The following CYTH3 variants were observed in gnomAD, a reference collection of about 807,000 sequenced individuals.
The protein encoded by CYTH3 is cytohesin-3.
A neutral mutation model predicts 55.1 loss-of-function variants in CYTH3; 23 were observed. The ratio of observed to expected loss-of-function variants is 0.42; its 90% confidence interval spans 0.30 to 0.59. CYTH3 has a LOEUF of 0.59. CYTH3 is among the 20% of genes least tolerant of loss of function. CYTH3 has a pLI of 0.20. For missense variants in CYTH3, 413 were observed against 524.8 expected, an observed-to-expected ratio of 0.79 and a Z score of 2.08; for synonymous variants, 249 against 194.9, an observed-to-expected ratio of 1.28 and a Z score of -2.31.
intron 1 of CYTH3, among the ~76,000 whole-genome samples, chr7:6,215,244 A>G (rs977277988): frequency 1.3e-5 from 2 of 152,236 alleles, no homozygotes; most frequent in South Asian, 4.1e-4. Flanking sequence ...AAGATGCTCC[A>G]CGGTTCAGGG....
Position 6,164,909 on chromosome 7 carries a change from TTGGGTCTTTTACC to T in CYTH3, c.*22_*34del, listed in dbSNP as rs771834274. The T allele has an allele frequency of 6.8e-6, 11 of 1,613,246 alleles. No homozygotes were observed. The highest frequency in any genetic ancestry group is 4.5e-5 in the East Asian group (2 of 44,886). On this transcript the variant is annotated 3_prime_UTR_variant, in exon 13 of 13. Transcript: ENST00000350796. ...CGCCCGCGGTGTCTTTCTGCTGGGGTTGGGTCTTTTACCTGGGTCTTTTAGCCAGGAAAGCTAT... is the reference window on the plus strand; with the variant it reads ...CGCCCGCGGTGTCTTTCTGCTGGGGTTGGGTCTTTTAGCCAGGAAAGCTAT...
At chr7:6,231,229 A>G (rs1779385122) in intron 1 of CYTH3, among the ~76,000 whole-genome samples, 1 of 152,218 alleles carries the variant, frequency 6.6e-6, no homozygotes. Context: ...AGCACTTAAC[A>G]CTCAAATGTA....
intron 1 of CYTH3, among the ~76,000 whole-genome samples, chr7:6,240,531 G>A (rs1779647266): frequency 6.6e-6 from 1 of 152,120 alleles, no homozygotes; most frequent in Non-Finnish European, 1.5e-5. Flanking sequence ...GAACAGAATA[G>A]TAAATCCAGA....
chr7:6,172,812 T>C (rs1367661507), intron 6 of CYTH3: 3 of 1,282,592 alleles, frequency 2.3e-6, no homozygotes, highest in Middle Eastern at 2.2e-4. Flanking sequence ...GATTCTTATA[T>C]GTTGCGAACT....
chr7:6,224,975 T>C (rs974864665), intron 1 of CYTH3, among the ~76,000 whole-genome samples: 2 of 152,212 alleles, frequency 1.3e-5, no homozygotes, highest in African/African-American at 4.8e-5. Flanking sequence ...ATTCTATTTA[T>C]GTTAAATATC....
chr7:6,185,873 A>G (rs77752632), intron 4 of CYTH3, among the ~76,000 whole-genome samples: 2,983 of 152,136 alleles, frequency 0.02, 46 homozygotes, highest in Middle Eastern at 0.061. Flanking sequence ...CTGCAATCAG[A>G]TATTTATCGA....
intron 1 of CYTH3, among the ~76,000 whole-genome samples, chr7:6,262,313 T>C (rs1477961374): frequency 6.6e-6 from 1 of 152,048 alleles, no homozygotes; most frequent in Admixed American, 6.6e-5. Context: ...ATTCTGTAAA[T>C]CTAATTTAAG....
At chr7:6,256,385 C>G (rs1176244850) in intron 1 of CYTH3, among the ~76,000 whole-genome samples, 4 of 152,240 alleles carry the variant, frequency 2.6e-5, no homozygotes, top group African/African-American at 9.6e-5. Flanking sequence ...TAGTGGACTT[C>G]TCTCTGAAGA....
intron 4 of CYTH3, among the ~76,000 whole-genome samples, chr7:6,181,388 A>T (rs1783498895): frequency 1.3e-5 from 2 of 152,206 alleles, no homozygotes; most frequent in Admixed American, 1.3e-4. Context: ...CTTGTGAGTG[A>T]CAGGACAGAC....
Position 6,170,494 on chromosome 7 carries a change from C to G in CYTH3, c.823+41G>C. 1 of 1,584,284 alleles carries G rather than the reference C, an allele frequency of 6.3e-7. No homozygotes were observed. The highest frequency in any genetic ancestry group is 8.6e-7 in the Non-Finnish European group (1 of 1,156,422). ...GAACCCGAGGGGCTGCTGCCATGGGCAGAGGGGTCACGCCCGGGTCCCGCT... is the reference window on the plus strand; with the variant it reads ...GAACCCGAGGGGCTGCTGCCATGGGGAGAGGGGTCACGCCCGGGTCCCGCT... On this transcript the variant is annotated intron_variant, in intron 9 of 12. Transcript: ENST00000350796. This position sits in a 1 kb window ranked among gnomAD's most constrained non-coding sequence, Gnocchi z 7.8.
chr7:6,236,513 A>C (rs545027762), intron 1 of CYTH3, among the ~76,000 whole-genome samples: 2 of 147,304 alleles, frequency 1.4e-5, no homozygotes, highest in Non-Finnish European at 3.0e-5. Flanking sequence ...CCTGGCCTGC[A>C]AATAACTATT....
intron 1 of CYTH3, among the ~76,000 whole-genome samples, chr7:6,243,239 G>C (rs1168668121): frequency 6.6e-6 from 1 of 152,226 alleles, no homozygotes; most frequent in Non-Finnish European, 1.5e-5. Flanking sequence ...TTGGTAAGAT[G>C]AGAAGAGCCC....
chr7:6,221,216 T>C (rs1784543610), intron 1 of CYTH3, among the ~76,000 whole-genome samples: 1 of 152,316 alleles, frequency 6.6e-6, no homozygotes, highest in Admixed American at 6.5e-5. Flanking sequence ...TGGAATATTA[T>C]CTAGCAATAA....
intron 1 of CYTH3, among the ~76,000 whole-genome samples, chr7:6,242,066 C>A (rs962947152): frequency 2.6e-5 from 4 of 151,896 alleles, no homozygotes; most frequent in Non-Finnish European, 5.9e-5. Context: ...GGGAACAGGG[C>A]AGAGGGGTTT....
At chr7:6,255,482 A>G (rs1780073677) in intron 1 of CYTH3, among the ~76,000 whole-genome samples, 1 of 152,194 alleles carries the variant, frequency 6.6e-6, no homozygotes, top group African/African-American at 2.4e-5. Context: ...AAGACTATTT[A>G]GGAAGGAATG....
intron 1 of CYTH3, among the ~76,000 whole-genome samples, chr7:6,259,830 A>T (rs866657181): frequency 0.038 from 778 of 20,254 alleles, 36 homozygotes; most frequent in Admixed American, 0.06. Context: ...ATATATATAT[A>T]TATTTTTTTT....
At chr7:6,199,891 A>G (rs566483831) in intron 1 of CYTH3, among the ~76,000 whole-genome samples, 2 of 152,360 alleles carry the variant, frequency 1.3e-5, no homozygotes, top group Admixed American at 1.3e-4. Flanking sequence ...CTTATCCCAC[A>G]TGTGAAATGG....
chr7:6,239,230 A>G (rs757778699), intron 1 of CYTH3, among the ~76,000 whole-genome samples: 1 of 152,132 alleles, frequency 6.6e-6, no homozygotes, highest in Non-Finnish European at 1.5e-5. Flanking sequence ...GACAACCTTT[A>G]TATTTGTTGA....
chr7:6,165,724 C>CCTTA lies in CYTH3; in HGVS notation c.900+6_900+9dup, dbSNP rs768208726. The CCTTA allele has an allele frequency of 6.2e-7, 1 of 1,614,138 alleles. No homozygotes were observed. Among genetic ancestry groups the CCTTA allele is most frequent in the Non-Finnish European group, 8.5e-7 (1 of 1,179,986 alleles). On this transcript the variant is annotated intron_variant, in intron 10 of 12. Coordinates refer to ENST00000350796, the MANE Select transcript of CYTH3 (RefSeq NM_004227.4). Reference sequence around the variant, plus strand: ...CTGGGAGGCGGCAAGGAGGCCTGGCCCTTACTTACTGTTGTGTATTCAAAG... The same window carrying CCTTA: ...CTGGGAGGCGGCAAGGAGGCCTGGCCCTTACTTACTTACTGTTGTGTATTCAAAG...
Sources: gnomAD v4.1 joint callset for allele counts (sites outside exome capture counted in the v4.1 genomes callset) on GRCh38, gnomAD v4.1.1 for gene constraint, Gnocchi (gnomAD v3.1) non-coding constraint, MANE v1.5 for transcripts, NCBI Gene and HGNC (gene_info 2026-07-23, HGNC 2026-07-21) for gene names.